NUBPL: variants seen among roughly 807,000 people sequenced by gnomAD.
The protein encoded by NUBPL is NUBP iron-sulfur cluster assembly factor, mitochondrial, also known as iron-sulfur cluster transfer protein NUBPL.
A neutral mutation model predicts 45.7 loss-of-function variants in NUBPL; 31 were observed. The observed-to-expected ratio is 0.68, with a 90% CI of 0.51 to 0.92. The LOEUF (loss-of-function observed/expected upper bound fraction) is 0.92. NUBPL is among the 40% of genes least tolerant of loss of function. NUBPL has a pLI of 0.00. For missense variants in NUBPL, 401 were observed against 398.7 expected (o/e 1.01, Z -0.05); for synonymous variants, 144 against 140.9 (o/e 1.02, Z -0.15).
At chr14:31,593,559 G>T (rs1282983451) in intron 3 of NUBPL, among the ~76,000 whole-genome samples, 6 of 151,580 alleles carry the variant, frequency 4.0e-5, no homozygotes, top group Non-Finnish European at 8.8e-5. Flanking sequence ...TTGGTATGGG[G>T]GCGGAGGTGT....
At chr14:31,724,637 T>C (rs909926073) in intron 6 of NUBPL, among the ~76,000 whole-genome samples, 7 of 152,242 alleles carry the variant, frequency 4.6e-5, no homozygotes, top group Non-Finnish European at 1.0e-4. Flanking sequence ...TGCTTTTTAC[T>C]TGAATTATTT....
intron 6 of NUBPL, among the ~76,000 whole-genome samples, chr14:31,692,997 G>T (rs2120134): frequency 0.73 from 111,073 of 151,930 alleles, 47,064 homozygotes; most frequent in East Asian, 0.99. Flanking sequence ...CTTAGGTAAT[G>T]GCCAATGTAT....
chr14:31,811,874 G>T (rs572043034), intron 7 of NUBPL, among the ~76,000 whole-genome samples: 1 of 152,236 alleles, frequency 6.6e-6, no homozygotes, highest in Admixed American at 6.5e-5. Flanking sequence ...TACCAGTCAG[G>T]TCCCTCAGCT....
intron 9 of NUBPL, 135 bp from the exon 10 acceptor site, chr14:31,849,984 A>AT: frequency 1.4e-6 from 1 of 701,748 alleles, no homozygotes; most frequent in Admixed American, 2.3e-5. Flanking sequence ...TTTTTCAAAG[A>AT]TTTAGCAATT....
chr14:31,741,781 C>A (rs2038289659), intron 6 of NUBPL, among the ~76,000 whole-genome samples: 1 of 151,842 alleles, frequency 6.6e-6, no homozygotes, highest in Non-Finnish European at 1.5e-5. Context: ...AATTGTGGTT[C>A]TTCATATCTG....
rs373196844 is a variant in NUBPL at position 31,803,242 on chromosome 14, A to T, written c.607+15369A>T. Among the ~76,000 whole-genome samples, 3 of 152,362 alleles carry T rather than the reference A, an allele frequency of 2.0e-5. No homozygotes were observed. The East Asian group carries it at 5.8e-4, about 29-fold the overall frequency. On this transcript the variant is annotated intron_variant, in intron 7 of 10. Transcript: ENST00000281081. ...TGTTTGGCATTTACTCTTCCAAAGC[A>T]AAAGGAACATAGTAATTTCACTTAG...
At chr14:31,734,372 A>C (rs1463653049) in intron 6 of NUBPL, among the ~76,000 whole-genome samples, 1 of 152,222 alleles carries the variant, frequency 6.6e-6, no homozygotes, top group African/African-American at 2.4e-5. Flanking sequence ...GACATTTGAT[A>C]GCTGTTTCAC....
intron 3 of NUBPL, among the ~76,000 whole-genome samples, chr14:31,571,277 T>C (rs1427489897): frequency 2.0e-5 from 3 of 151,750 alleles, no homozygotes; most frequent in Non-Finnish European, 4.4e-5. Context: ...AAATTCAGGC[T>C]ACCCTCCTCT....
chr14:31,836,477 A>G (rs891926034), intron 8 of NUBPL, among the ~76,000 whole-genome samples: 12 of 152,328 alleles, frequency 7.9e-5, no homozygotes, highest in African/African-American at 2.9e-4. Flanking sequence ...GCTTAACAGT[A>G]TATGAAGTAT....
intron 6 of NUBPL, among the ~76,000 whole-genome samples, chr14:31,715,976 GC>G (rs1471192130): frequency 6.6e-6 from 1 of 151,614 alleles, no homozygotes; most frequent in Non-Finnish European, 1.5e-5. Flanking sequence ...TTTTCTGTAA[GC>G]TTTTTTTTTC....
intron 4 of NUBPL, among the ~76,000 whole-genome samples, chr14:31,667,586 GC>G (rs1300149379): frequency 5.3e-5 from 8 of 151,932 alleles, no homozygotes; most frequent in Admixed American, 1.3e-4. Context: ...TCAGTTTTGT[GC>G]ACTTGTTGGA....
At chr14:31,776,967 C>A (rs1304140690) in intron 6 of NUBPL, among the ~76,000 whole-genome samples, 1 of 152,182 alleles carries the variant, frequency 6.6e-6, no homozygotes, top group African/African-American at 2.4e-5. Flanking sequence ...GGAAAGAAAT[C>A]TCAGATTTTA....
At chr14:31,653,838 T>C (rs1236634473) in intron 4 of NUBPL, among the ~76,000 whole-genome samples, 1 of 152,212 alleles carries the variant, frequency 6.6e-6, no homozygotes, top group African/African-American at 2.4e-5. Flanking sequence ...GCATAAGATA[T>C]TATAAGAGTA....
chr14:31,716,615 C>A (rs2037694264), intron 6 of NUBPL, among the ~76,000 whole-genome samples: 1 of 152,138 alleles, frequency 6.6e-6, no homozygotes, highest in Non-Finnish European at 1.5e-5. Context: ...ATGGTGCAGC[C>A]AACATTTGAA....
intron 4 of NUBPL, among the ~76,000 whole-genome samples, chr14:31,628,446 C>G (rs1056165533): frequency 3.9e-5 from 6 of 152,122 alleles, no homozygotes; most frequent in South Asian, 4.1e-4. Flanking sequence ...TCTCATCAGA[C>G]AATTCTTTAA....
chr14:31,752,118 C>A (rs1377283489), intron 6 of NUBPL, among the ~76,000 whole-genome samples: 1 of 152,192 alleles, frequency 6.6e-6, no homozygotes, highest in Non-Finnish European at 1.5e-5. Context: ...CTCTGAAACG[C>A]CCTGGAGACA....
At chr14:31,637,299 T>G (rs546964242) in intron 4 of NUBPL, among the ~76,000 whole-genome samples, 1 of 152,176 alleles carries the variant, frequency 6.6e-6, no homozygotes, top group African/African-American at 2.4e-5. Context: ...TCTTTGTTCT[T>G]GTTGGTTTCA....
chr14:31,584,760 T>C (rs1389621279), intron 3 of NUBPL, among the ~76,000 whole-genome samples: 1 of 152,190 alleles, frequency 6.6e-6, no homozygotes, highest in Non-Finnish European at 1.5e-5. Flanking sequence ...CAACAACTTG[T>C]TTCTCACAGT....
At chr14:31,643,408 A>G (rs1430307631) in intron 4 of NUBPL, among the ~76,000 whole-genome samples, 1 of 152,168 alleles carries the variant, frequency 6.6e-6, no homozygotes, top group African/African-American at 2.4e-5. Flanking sequence ...TGAAATGATC[A>G]CATGATATTT....
Sources: gnomAD v4.1 joint callset for allele counts (sites outside exome capture counted in the v4.1 genomes callset) on GRCh38, gnomAD v4.1.1 for gene constraint, MANE v1.5 for transcripts, NCBI Gene and HGNC (gene_info 2026-07-23, HGNC 2026-07-21) for gene names.